The following TESMIN variants were observed in gnomAD, a reference collection of about 807,000 sequenced individuals.
TESMIN encodes CXC domain containing 2.
TESMIN carries 34 observed loss-of-function variants against 47.4 expected under a neutral mutation model. The ratio of observed to expected loss-of-function variants is 0.72; its 90% CI spans 0.55 to 0.96. TESMIN has a LOEUF of 0.96. Among genes scored for constraint, TESMIN ranks in the 40% least tolerant of loss-of-function variants. TESMIN has a pLI of 0.00. For synonymous variants in TESMIN, 278 were observed against 258.9 expected, an observed-to-expected ratio of 1.07 and a Z score of -0.71; for missense variants, 610 against 637.2, an observed-to-expected ratio of 0.96 and a Z score of 0.46.
chr11:68,725,333 G>T (rs1946249387), intron 6 of TESMIN, among the ~76,000 whole-genome samples: 1 of 152,172 alleles, frequency 6.6e-6, no homozygotes, highest in Admixed American at 6.5e-5. Context: ...AAAGCTCAAT[G>T]ACAAAAGCAG....
chr11:68,735,714 G>C (rs1946379436), intron 6 of TESMIN, among the ~76,000 whole-genome samples: 2 of 152,194 alleles, frequency 1.3e-5, no homozygotes, highest in African/African-American at 4.8e-5. Flanking sequence ...TAATCAACCA[G>C]CACACTGTGC....
chr11:68,719,124 G>A (rs906454011), intron 6 of TESMIN, among the ~76,000 whole-genome samples: 9 of 152,186 alleles, frequency 5.9e-5, no homozygotes, highest in Non-Finnish European at 1.3e-4. Context: ...CACAGGCCTG[G>A]AAACCAGCCC....
rs1212687083 is a variant in TESMIN at position 68,742,328 on chromosome 11, A to C, written c.818T>G (p.Ile273Ser). 1 of 1,590,552 alleles carries C rather than the reference A, an allele frequency of 6.3e-7. No homozygotes were observed. The highest frequency in any genetic ancestry group is 1.1e-5 in the South Asian group (1 of 88,716). The change falls in exon 5 of 10, where the codon ATT (isoleucine) becomes AGT (serine). Residue 273 changes from isoleucine (I) to serine (S), a missense_variant. Transcript: ENST00000255087. ...AAAACAATGACTCACTTGTTGTGTA[A>C]TGAGATTTAATTTTGTTGATGCTGG... ...FLPASTKLNLITQQLEGALPS... is the reference protein window; with the variant it reads ...FLPASTKLNLSTQQLEGALPS...
In TESMIN at chr11:68,713,401, G is replaced by A. The variant is rs1433932462; in HGVS notation, c.1027C>T (p.Leu343Phe). The A allele has an allele frequency of 6.2e-7, 1 of 1,614,172 alleles. No homozygotes were observed. Reference sequence around the variant, plus strand: ...TGGAAAGCTTCTGGATTTCTACCAAGACATGCCTAGGGTAGAATGGGAAGC... The same window carrying A: ...TGGAAAGCTTCTGGATTTCTACCAAAACATGCCTAGGGTAGAATGGGAAGC... The part of the protein sequence containing the change: ...IERFKAIKAC[L>F]GRNPEAFQPK... The change falls in exon 8 of 10, where the codon CTT (leucine) becomes TTT (phenylalanine). Residue 343 changes from leucine to phenylalanine, a missense_variant. Physicochemically the swap from Leu to Phe is conservative, Grantham distance 22. Coordinates refer to ENST00000255087, the MANE Select transcript of TESMIN (RefSeq NM_004923.3).
intron 9 of TESMIN, among the ~76,000 whole-genome samples, chr11:68,709,397 G>A (rs1946035865): frequency 6.6e-6 from 1 of 152,204 alleles, no homozygotes; most frequent in Non-Finnish European, 1.5e-5. Flanking sequence ...AGGTTCTGAG[G>A]ACTCGCCTGT....
intron 5 of TESMIN, among the ~76,000 whole-genome samples, chr11:68,740,004 C>T (rs921739786): frequency 6.6e-6 from 1 of 152,202 alleles, no homozygotes; most frequent in Non-Finnish European, 1.5e-5. Context: ...CTCTTATGTA[C>T]TCCATAGGTT....
In TESMIN at chr11:68,733,370, T is replaced by C. The variant is rs80206983; in HGVS notation, c.917+5330A>G. 2.9e-3 allele frequency among the ~76,000 whole-genome samples: 437 copies of C among 152,320 alleles called. 18 individuals are homozygous for C. The East Asian group carries it at 0.061, about 21-fold the overall frequency. On this transcript the variant is annotated intron_variant, in intron 6 of 9. Transcript: ENST00000255087. ...AGCACTTGTCTGAGGGGCTAGAGGA[T>C]GCAAACCAAAACCCAAGAAAAATTA...
chr11:68,710,991 C>A lies in TESMIN; in HGVS notation c.1217G>T (p.Ser406Ile). 1 of 1,613,802 alleles carries A rather than the reference C, an allele frequency of 6.2e-7. No individual in the cohort carries two copies. Among genetic ancestry groups the A allele is most frequent in the Non-Finnish European group, 8.5e-7 (1 of 1,179,878 alleles). Residue 406 changes from serine (S) to isoleucine (I), a missense_variant, in exon 9 of 10, where the codon AGC becomes ATC. Ser to Ile is a moderately radical substitution (Grantham distance 142, BLOSUM62 -2). Coordinates refer to ENST00000255087, the MANE Select transcript of TESMIN (RefSeq NM_004923.3). ...GCTCATTAGTGTCTTTCGTTCTGGGCTTTCTTCATAATTTTTGCAACCAAT... is the reference window on the plus strand; with the variant it reads ...GCTCATTAGTGTCTTTCGTTCTGGGATTTCTTCATAATTTTTGCAACCAAT... ...KCIGCKNYEESPERKTLMSMP... is the reference protein window; with the variant it reads ...KCIGCKNYEEIPERKTLMSMP...
chr11:68,741,958 T>C (rs1946462505), intron 5 of TESMIN, among the ~76,000 whole-genome samples: 1 of 152,218 alleles, frequency 6.6e-6, no homozygotes, highest in South Asian at 2.1e-4. Flanking sequence ...AAGCAAACTT[T>C]AAAAAAGTAT....
intron 2 of TESMIN, among the ~76,000 whole-genome samples, chr11:68,749,537 A>G (rs1946562989): frequency 6.6e-6 from 1 of 152,242 alleles, no homozygotes. Context: ...TAGTTTTGGC[A>G]AGAACAAAGC....
intron 4 of TESMIN, 122 bp downstream of exon 4, chr11:68,744,869 G>A (rs1315268404): frequency 6.6e-6 from 5 of 759,366 alleles, no homozygotes; most frequent in Admixed American, 3.3e-5. Context: ...TATGGACTAC[G>A]AGGTTTGCCA....
intron 6 of TESMIN, chr11:68,736,794 A>G: frequency 1.0e-6 from 1 of 963,280 alleles, no homozygotes; most frequent in Middle Eastern, 4.9e-4. Context: ...GAGAACAAAG[A>G]GGAGGAGGAG....
Position 68,747,289 on chromosome 11 carries a change from C to T in TESMIN, c.549G>A (p.Gln183=). 2 of 1,613,972 alleles carry T rather than the reference C, an allele frequency of 1.2e-6. No individual in the cohort carries two copies. Among genetic ancestry groups the T allele is most frequent in the Non-Finnish European group, 1.7e-6 (2 of 1,179,850 alleles). ...EEATLQNLLA[Q]ESCCKFPSSQ... is the part of the protein sequence containing the mutation. ...ACGATGGGAACTTGCAACAGGATTC[C>T]TGAGCAAGAAGATTCTGCAAAGTTG... Residue 183 remains glutamine, a synonymous_variant, in exon 3 of 10, where the codon CAG becomes CAA. Transcript: ENST00000255087.
chr11:68,706,856 T>A (rs560494101), downstream of TESMIN, among the ~76,000 whole-genome samples: 4 of 152,348 alleles, frequency 2.6e-5, no homozygotes, highest in East Asian at 7.7e-4. Context: ...GTTGGCAGTG[T>A]TGCCGAGAGG....
chr11:68,730,768 C>G (rs1359436453), intron 6 of TESMIN, among the ~76,000 whole-genome samples: 2 of 150,606 alleles, frequency 1.3e-5, no homozygotes, highest in Non-Finnish European at 2.9e-5. Flanking sequence ...GCACTCCAGC[C>G]TGGGCCGACA....
rs796203554 is a variant in TESMIN at position 68,707,750 on chromosome 11, G to A, written c.*558C>T. ...GGGCCTTAGGAAAGACTGACAGTTC[G>A]CGTGCCTCTGGGGAAATATCTACGC... On this transcript the variant is annotated 3_prime_UTR_variant, in exon 10 of 10. Transcript: ENST00000255087. 2.5e-5 allele frequency: 11 copies of A among 446,082 alleles called. No individual in the cohort carries two copies. Among genetic ancestry groups the A allele is most frequent in the South Asian group, 4.7e-5 (3 of 63,994 alleles). The allele number at this position is 446,082 out of a possible 1,614,324, so 27.6% of individuals were successfully genotyped here.
chr11:68,727,589 C>T (rs776553234), intron 6 of TESMIN, among the ~76,000 whole-genome samples: 31 of 152,164 alleles, frequency 2.0e-4, no homozygotes, highest in Non-Finnish European at 3.4e-4. Context: ...AATAATTGTC[C>T]AAAAATGTAT....
intron 6 of TESMIN, among the ~76,000 whole-genome samples, chr11:68,721,372 CT>C (rs1329645330): frequency 1.3e-5 from 2 of 152,142 alleles, no homozygotes; most frequent in Admixed American, 1.3e-4. Flanking sequence ...TGAACTCCCC[CT>C]AATCCAAACA....
At chr11:68,734,814 C>T (rs1288549007) in intron 6 of TESMIN, among the ~76,000 whole-genome samples, 1 of 152,240 alleles carries the variant, frequency 6.6e-6, no homozygotes, top group African/African-American at 2.4e-5. Flanking sequence ...AAAGTCTTCG[C>T]CCTGTCCTCT....
Sources: allele counts gnomAD v4.1 joint callset (sites outside exome capture counted in the v4.1 genomes callset), GRCh38; gene constraint gnomAD v4.1.1; transcripts MANE v1.5; gene names NCBI Gene and HGNC (gene_info 2026-07-23, HGNC 2026-07-21).